The following PIGS variants were observed in gnomAD, a reference collection of about 807,000 sequenced individuals.
The protein encoded by PIGS is phosphatidylinositol glycan anchor biosynthesis class S.
PIGS carries 37 observed loss-of-function variants against 58.2 expected under a neutral mutation model. That is an observed-to-expected ratio of 0.64 (90% CI 0.49 to 0.84). The LOEUF (loss-of-function observed/expected upper bound fraction) is 0.84. Among genes scored for constraint, PIGS ranks in the 40% least tolerant of loss-of-function variants. The pLI is 0.00. For missense variants in PIGS, 629 were observed against 710.8 expected, an observed-to-expected ratio of 0.88 and a Z score of 1.31; for synonymous variants, 269 against 289.2, an observed-to-expected ratio of 0.93 and a Z score of 0.71.
intron 8 of PIGS, 119 bp from the exon 9 acceptor site, chr17:28,557,091 A>G: frequency 3.7e-6 from 4 of 1,080,688 alleles, no homozygotes; most frequent in Non-Finnish European, 5.5e-6. Context: ...AACAATCATT[A>G]GGATATCCTC....
chr17:28,558,943 C>G (rs889292074), intron 7 of PIGS, among the ~76,000 whole-genome samples: 2 of 152,188 alleles, frequency 1.3e-5, no homozygotes, highest in African/African-American at 4.8e-5. Context: ...CACGTGTTTT[C>G]CCTACAAGGA....
intron 3 of PIGS, among the ~76,000 whole-genome samples, chr17:28,569,342 C>T (rs2070413465): frequency 6.6e-6 from 1 of 151,214 alleles, no homozygotes; most frequent in Non-Finnish European, 1.5e-5. Context: ...TGATGGTGTG[C>T]GGCTGTAGTC....
chr17:28,568,198 GT>G (rs1312215345), intron 3 of PIGS, among the ~76,000 whole-genome samples: 1 of 151,970 alleles, frequency 6.6e-6, no homozygotes, highest in Non-Finnish European at 1.5e-5. Flanking sequence ...CACCTCACAG[GT>G]TCAAGCGATT....
intron 8 of PIGS, 140 bp downstream of exon 8, chr17:28,558,334 CCA>C: frequency 1.5e-6 from 1 of 682,956 alleles, no homozygotes; most frequent in Non-Finnish European, 2.5e-6. Context: ...GCCTCAATCT[CCA>C]CAGTCTCCTC....
chr17:28,554,703 G>A, intron 11 of PIGS, 148 bp downstream of exon 11: 3 of 1,214,930 alleles, frequency 2.5e-6, no homozygotes, highest in East Asian at 4.9e-5. Context: ...CTTGGGGGCT[G>A]GTACTGCCGT....
rs181908084 is a variant in PIGS at position 28,567,516 on chromosome 17, A to G, written c.286+3336T>C. 9.2e-5 allele frequency among the ~76,000 whole-genome samples: 14 copies of G among 152,362 alleles called. No homozygotes were observed. In the East Asian group the frequency reaches 2.7e-3, roughly 29 times the overall value. On this transcript the variant is annotated intron_variant, in intron 3 of 11. Coordinates refer to ENST00000308360, the MANE Select transcript of PIGS (RefSeq NM_033198.4). ...AGTGACAAAAAGACAAATGCAACTTATTGATCCTGATGGAATAAACCATCT... is the reference window on the plus strand; with the variant it reads ...AGTGACAAAAAGACAAATGCAACTTGTTGATCCTGATGGAATAAACCATCT...
Position 28,560,051 on chromosome 17 carries a change from G to C in PIGS, c.817C>G (p.Gln273Glu). 6.2e-7 allele frequency: 1 copy of C among 1,608,680 alleles called. No homozygotes were observed. Among genetic ancestry groups the C allele is most frequent in the Non-Finnish European group, 8.5e-7 (1 of 1,178,244 alleles). Residue 273 changes from glutamine (Q) to glutamate (E), a missense_variant and splice_region_variant, in exon 7 of 12, where the codon CAG (glutamine) becomes GAG (glutamate). Coordinates refer to ENST00000308360, the MANE Select transcript of PIGS (RefSeq NM_033198.4). ...CCTCAACTTGCTCCCGGTCTCACCT[G>C]AGAGTCCACAGAGAAGTTGCCAGCG... ...GAAGNFSVDS[Q>E]ILYYAMLGVN...
rs1483805867 is a variant in PIGS, at chr17:28,554,999, C to G, written c.1244G>C (p.Ser415Thr). 2 of 1,610,460 alleles carry G rather than the reference C, an allele frequency of 1.2e-6. No individual in the cohort carries two copies. Among genetic ancestry groups the G allele is most frequent in the East Asian group, 2.2e-5 (1 of 44,872 alleles). ...PPKCLLSGPT[S>T]EGLMTWELDR... is the part of the protein sequence containing the mutation. Reference sequence around the variant, plus strand: ...TAGCTCCCAGGTCATTAGCCCTTCACTCGTAGGCCCTGAAAGCAGGCATTT... The same window carrying G: ...TAGCTCCCAGGTCATTAGCCCTTCAGTCGTAGGCCCTGAAAGCAGGCATTT... Residue 415 changes from serine to threonine, a missense_variant, in exon 11 of 12, where the codon AGT becomes ACT. By Grantham distance (58) the Ser-to-Thr change is moderately conservative (BLOSUM62 1). Transcript: ENST00000308360.
In PIGS at chr17:28,555,938, C is replaced by T. The variant is rs568931648; in HGVS notation, c.1181+228G>A. 3.4e-4 allele frequency: 155 copies of T among 452,108 alleles called. 1 individual carries two copies. In the Middle Eastern group the frequency reaches 5.1e-3, roughly 15 times the overall value. 28.0% of individuals were successfully genotyped at this position (452,108 alleles called of 1,614,324 possible). The stretch of plus-strand genomic sequence containing the variant: ...GAGCCAAAATGGCACCACTGCACTC[C>T]GGCCTGGGCAACAGAGCAAGACTCC... On this transcript the variant is annotated intron_variant, in intron 10 of 11. Coordinates refer to ENST00000308360, the MANE Select transcript of PIGS (RefSeq NM_033198.4).
At chr17:28,558,074 G>A (rs937357699) in intron 8 of PIGS, among the ~76,000 whole-genome samples, 2 of 152,242 alleles carry the variant, frequency 1.3e-5, no homozygotes, top group Non-Finnish European at 2.9e-5. Flanking sequence ...TTAGGGGGCT[G>A]GGGTGGGAAG....
At position 28,554,633 on chromosome 17, in the gene PIGS, G is replaced by A; in HGVS notation, c.1393-138C>T. 2.4e-6 allele frequency: 3 copies of A among 1,267,456 alleles called. No homozygotes were observed. The South Asian group carries it at 4.1e-5, about 17-fold the overall frequency. The allele number at this position is 1,267,456 out of a possible 1,614,324, so 78.5% of individuals were successfully genotyped here. On this transcript the variant is annotated intron_variant, in intron 11 of 11. Transcript: ENST00000308360. ...CAGGATCTATGGAAGTCTTTCTACA[G>A]GGATATGGTTTATTTTCCTAGGGTC...
Position 28,571,485 on chromosome 17 carries a change from G to A in PIGS, c.12C>T (p.Ala4=), listed in dbSNP as rs760363499. Reference sequence around the variant, plus strand: ...CACCTAGGTGTGTAGCCGCAGCCCCGGCGGCCGCCATGCTAGCTTCCGGCT... The same window carrying A: ...CACCTAGGTGTGTAGCCGCAGCCCCAGCGGCCGCCATGCTAGCTTCCGGCT... MAA[A]GAAATHLEVA... The change falls in exon 1 of 12, where the codon GCC becomes GCT. Residue 4 remains alanine (A), a synonymous_variant. Coordinates refer to ENST00000308360, the MANE Select transcript of PIGS (RefSeq NM_033198.4). The A allele has an allele frequency of 2.5e-6, 4 of 1,608,272 alleles. No individual in the cohort carries two copies. Among genetic ancestry groups the A allele is most frequent in the South Asian group, 1.1e-5 (1 of 90,192 alleles).
chr17:28,555,051 C>T lies in PIGS; in HGVS notation c.1192G>A (p.Gly398Arg), dbSNP rs1293775388. The T allele has an allele frequency of 6.2e-7, 1 of 1,612,466 alleles. No homozygotes were observed. Among genetic ancestry groups the T allele is most frequent in the Admixed American group, 1.7e-5 (1 of 59,708 alleles). The change falls in exon 11 of 12, where the codon GGG (glycine) becomes AGG (arginine). Residue 398 changes from glycine (G) to arginine (R), a missense_variant. Transcript: ENST00000308360. ...VFLAQLRLLF[G>R]IAQPQLPPKC... Reference sequence around the variant, plus strand: ...GGAGGCAGCTGGGGCTGAGCAATCCCAAAGAGCAACCTGTAGGAACATCGG... The same window carrying T: ...GGAGGCAGCTGGGGCTGAGCAATCCTAAAGAGCAACCTGTAGGAACATCGG...
intron 3 of PIGS, among the ~76,000 whole-genome samples, chr17:28,568,737 T>C (rs2070408130): frequency 6.6e-6 from 1 of 152,180 alleles, no homozygotes; most frequent in African/African-American, 2.4e-5. Context: ...AAGAAATCCA[T>C]GATAAACTGA....
intron 8 of PIGS, chr17:28,557,206 C>T (rs79554423): frequency 3.8e-4 from 195 of 510,072 alleles, no homozygotes; most frequent in Admixed American, 6.0e-4. Context: ...AATTCTCCCT[C>T]CTCAAAGGCC....
chr17:28,563,431 C>T lies in PIGS; in HGVS notation c.468G>A (p.Gln156=). 1 of 1,613,574 alleles carries T rather than the reference C, an allele frequency of 6.2e-7. No individual in the cohort carries two copies. Among genetic ancestry groups the T allele is most frequent in the Non-Finnish European group, 8.5e-7 (1 of 1,179,498 alleles). Residue 156 remains glutamine, a splice_region_variant and synonymous_variant, in exon 5 of 12, where the codon CAG becomes CAA. Transcript: ENST00000308360. ...VISEHSSLLP[Q]DMMSYIGPKR... is the part of the protein sequence containing the mutation. The stretch of plus-strand genomic sequence containing the variant: ...AGTCGCAGCCTCTCTGTTACCTTAC[C>T]TGGGGAAGAAGTGAGGAGTGTTCAG...
At chr17:28,557,414 G>A (rs960616762) in intron 8 of PIGS, 53 of 172,210 alleles carry the variant, frequency 3.1e-4, no homozygotes, top group East Asian at 1.1e-3. Flanking sequence ...CTGCCTAACC[G>A]GCTTCATCTT....
At chr17:28,568,596 G>A (rs1024112999) in intron 3 of PIGS, among the ~76,000 whole-genome samples, 4 of 152,212 alleles carry the variant, frequency 2.6e-5, no homozygotes, top group Non-Finnish European at 5.9e-5. Context: ...ACACAAATAA[G>A]TGGCAGAATA....
chr17:28,559,975 G>C, intron 7 of PIGS, 74 bp downstream of exon 7: 1 of 1,503,494 alleles, frequency 6.7e-7, no homozygotes. Context: ...AGCTCTAAGA[G>C]ATGGAGGAAC....
Sources: gnomAD v4.1 joint callset for allele counts (sites outside exome capture counted in the v4.1 genomes callset) on GRCh38, gnomAD v4.1.1 for gene constraint, MANE v1.5 for transcripts, NCBI Gene and HGNC (gene_info 2026-07-23, HGNC 2026-07-21) for gene names.